Variants in NELL1 observed in about 807,000 individuals in gnomAD.
The protein encoded by NELL1 is neural EGFL like 1, also known as protein kinase C-binding protein NELL1.
NELL1 carries 76 observed loss-of-function variants against 107.4 expected under a neutral mutation model. The ratio of observed to expected loss-of-function variants is 0.71; its 90% CI spans 0.59 to 0.86. The LOEUF (loss-of-function observed/expected upper bound fraction) is 0.86. Ranked by LOEUF, NELL1 falls within the 40% of genes least tolerant of loss-of-function variation. The pLI, the probability that NELL1 is intolerant of heterozygous loss-of-function variation, is 0.00. For synonymous variants in NELL1, 353 were observed against 341.2 expected (o/e 1.03, Z -0.38); for missense variants, 1,024 against 1,005.5 (o/e 1.02, Z -0.25).
intron 2 of NELL1, among the ~76,000 whole-genome samples, chr11:20,735,646 G>A (rs190477640): frequency 1.3e-3 from 196 of 152,264 alleles, no homozygotes; most frequent in Admixed American, 3.8e-3. Context: ...TTGCAGCCTT[G>A]ACTGGAACAG....
At chr11:21,157,208 A>G (rs1369905345) in intron 13 of NELL1, among the ~76,000 whole-genome samples, 1 of 151,826 alleles carries the variant, frequency 6.6e-6, no homozygotes, top group Non-Finnish European at 1.5e-5. Flanking sequence ...CACACACCAA[A>G]TTAAAGAAAT....
At chr11:20,685,258 C>T (rs75788714) in intron 2 of NELL1, among the ~76,000 whole-genome samples, 5,362 of 152,138 alleles carry the variant, frequency 0.035, 328 homozygotes, top group African/African-American at 0.12. Context: ...CCTTCATTGA[C>T]TGATGGCTAG....
Position 21,258,565 on chromosome 11 carries a change from T to C in NELL1, c.1549+29111T>C, listed in dbSNP as rs140628815. Among the ~76,000 whole-genome samples the C allele has an allele frequency of 8.1e-3, 1,237 of 152,072 alleles. 19 individuals are homozygous for C. The highest frequency in any genetic ancestry group is 0.028 in the African/African-American group (1,171 of 41,530). ...AAAGGCAGGCAGGAGAATTTTCTTA[T>C]TTGTAGGAAGGTTAGCTTTTTGCCT... On this transcript the variant is annotated intron_variant, in intron 14 of 19. Coordinates refer to ENST00000357134, the MANE Select transcript of NELL1 (RefSeq NM_006157.5).
intron 5 of NELL1, among the ~76,000 whole-genome samples, chr11:20,912,478 G>A (rs971529603): frequency 6.6e-6 from 1 of 152,136 alleles, no homozygotes; most frequent in African/African-American, 2.4e-5. Flanking sequence ...CAATTTCAGA[G>A]GGTGAAAAAT....
chr11:21,428,386 A>G (rs1384424247), intron 15 of NELL1, among the ~76,000 whole-genome samples: 2 of 152,186 alleles, frequency 1.3e-5, no homozygotes, highest in Non-Finnish European at 2.9e-5. Flanking sequence ...GGTAGCCTTC[A>G]TAACTCTGAA....
chr11:21,210,042 T>C (rs530849807), intron 13 of NELL1, among the ~76,000 whole-genome samples: 1 of 152,320 alleles, frequency 6.6e-6, no homozygotes, highest in South Asian at 2.1e-4. Context: ...GGTTCGTCTA[T>C]GAAACCTGTT....
At chr11:21,433,974 A>G (rs1477821454) in intron 15 of NELL1, among the ~76,000 whole-genome samples, 2 of 152,074 alleles carry the variant, frequency 1.3e-5, no homozygotes, top group African/African-American at 4.8e-5. Flanking sequence ...CACGCCCAGC[A>G]GGCCATTTGT....
chr11:21,223,492 G>A (rs1857814284), intron 13 of NELL1, among the ~76,000 whole-genome samples: 2 of 152,048 alleles, frequency 1.3e-5, no homozygotes. Flanking sequence ...ACTTCAGGTA[G>A]TTGGGTCTTA....
At chr11:20,805,030 CTTT>C in intron 3 of NELL1, among the ~76,000 whole-genome samples, 1 of 152,186 alleles carries the variant, frequency 6.6e-6, no homozygotes, top group Non-Finnish European at 1.5e-5. Context: ...TAATAAACTT[CTTT>C]GTCTTTTTTA....
chr11:20,750,075 C>T (rs1856098391), intron 2 of NELL1, among the ~76,000 whole-genome samples: 1 of 152,140 alleles, frequency 6.6e-6, no homozygotes, highest in Admixed American at 6.6e-5. Context: ...ATAGGAGTTG[C>T]AGTTGCTATA....
intron 15 of NELL1, among the ~76,000 whole-genome samples, chr11:21,520,570 T>C (rs1047776953): frequency 6.6e-6 from 1 of 152,186 alleles, no homozygotes; most frequent in Admixed American, 6.5e-5. Flanking sequence ...CCTGATAATA[T>C]TGCTTAGTTG....
chr11:21,539,109 G>A (rs144068196), intron 16 of NELL1, among the ~76,000 whole-genome samples: 5 of 152,150 alleles, frequency 3.3e-5, no homozygotes, highest in East Asian at 1.9e-4. Flanking sequence ...GTAGTGAAAC[G>A]GCAGAGTTCC....
chr11:21,469,048 A>G (rs887847139), intron 15 of NELL1, among the ~76,000 whole-genome samples: 1 of 151,736 alleles, frequency 6.6e-6, no homozygotes, highest in South Asian at 2.1e-4. Context: ...CAATTCATCC[A>G]TGAGCAAGAA....
intron 15 of NELL1, among the ~76,000 whole-genome samples, chr11:21,468,554 A>G (rs1854090851): frequency 1.3e-5 from 2 of 152,068 alleles, no homozygotes; most frequent in African/African-American, 4.8e-5. Flanking sequence ...CCCAATCTCC[A>G]ATTTGCTTCT....
chr11:20,739,762 T>C (rs947107398), intron 2 of NELL1, among the ~76,000 whole-genome samples: 1 of 152,114 alleles, frequency 6.6e-6, no homozygotes, highest in Non-Finnish European at 1.5e-5. Context: ...TTCTGCAGGG[T>C]TCACAAGAGG....
chr11:21,203,764 T>C (rs956173175), intron 13 of NELL1, among the ~76,000 whole-genome samples: 13 of 152,298 alleles, frequency 8.5e-5, no homozygotes, highest in African/African-American at 2.9e-4. Flanking sequence ...TTCCTTTTCA[T>C]GTTTAGTGCT....
chr11:21,247,185 G>C (rs528807972), intron 14 of NELL1, among the ~76,000 whole-genome samples: 2 of 152,286 alleles, frequency 1.3e-5, no homozygotes, highest in South Asian at 4.1e-4. Context: ...CTAGGACATT[G>C]CTGTACACTA....
chr11:20,913,119 C>G (rs1391350700), intron 5 of NELL1, among the ~76,000 whole-genome samples: 1 of 152,088 alleles, frequency 6.6e-6, no homozygotes, highest in Non-Finnish European at 1.5e-5. Context: ...AAAACCCTCC[C>G]TGTGAGTTTA....
chr11:21,061,262 G>T lies in NELL1; in HGVS notation c.1301-52327G>T, dbSNP rs937700952. Among the ~76,000 whole-genome samples the T allele has an allele frequency of 2.6e-5, 4 of 152,166 alleles. No homozygotes were observed. The South Asian group carries it at 6.2e-4, about 24-fold the overall frequency. On this transcript the variant is annotated intron_variant, in intron 12 of 19. Transcript: ENST00000357134. Reference sequence around the variant, plus strand: ...ACATAAGTAAGGAGTGTATGTGTGTGTGTAAAATGATTTCAAGTCATGATA... The same window carrying T: ...ACATAAGTAAGGAGTGTATGTGTGTTTGTAAAATGATTTCAAGTCATGATA...
Sources: gnomAD v4.1 joint callset for allele counts (sites outside exome capture counted in the v4.1 genomes callset) on GRCh38, gnomAD v4.1.1 for gene constraint, MANE v1.5 for transcripts, NCBI Gene and HGNC (gene_info 2026-07-23, HGNC 2026-07-21) for gene names.